The following GRIK2 variants were observed in gnomAD, a reference collection of about 807,000 sequenced individuals.
GRIK2 encodes the protein glutamate receptor ionotropic, kainate 2.
In GRIK2, 32 loss-of-function variants were observed where a neutral mutation model predicts 100.3. That is an observed-to-expected ratio of 0.32 (90% CI 0.24 to 0.43). The LOEUF (loss-of-function observed/expected upper bound fraction) is 0.43. Among genes scored for constraint, GRIK2 ranks in the 20% least tolerant of loss-of-function variants. The pLI, the probability that GRIK2 is intolerant of heterozygous loss-of-function variation, is 1.00. For synonymous variants in GRIK2, 417 were observed against 389.4 expected, an observed-to-expected ratio of 1.07 and a Z score of -0.83; for missense variants, 843 against 1,114.9, an observed-to-expected ratio of 0.76 and a Z score of 3.47.
chr6:101,567,534 C>G (rs1777332775), intron 2 of GRIK2, among the ~76,000 whole-genome samples: 1 of 151,924 alleles, frequency 6.6e-6, no homozygotes, highest in Non-Finnish European at 1.5e-5. Flanking sequence ...TCTTTATCAA[C>G]TTCACATTCT....
intron 9 of GRIK2, among the ~76,000 whole-genome samples, chr6:101,807,660 T>C (rs1157412747): frequency 6.6e-6 from 1 of 151,830 alleles, no homozygotes; most frequent in Non-Finnish European, 1.5e-5. Flanking sequence ...GGCACCTAGA[T>C]AATGGGTTTT....
At chr6:101,424,172 A>AT (rs11288709) in intron 2 of GRIK2, among the ~76,000 whole-genome samples, 15 of 150,970 alleles carry the variant, frequency 9.9e-5, no homozygotes, top group Admixed American at 2.0e-4. Flanking sequence ...AATTTTTTTT[A>AT]TTTTTTTTTA....
At chr6:101,776,411 G>A (rs9485542) in intron 7 of GRIK2, among the ~76,000 whole-genome samples, 31,568 of 152,024 alleles carry the variant, frequency 0.21, 5,129 homozygotes, top group East Asian at 0.65. Context: ...ATTATGCAGA[G>A]AAGACAGACA....
chr6:101,711,060 C>CATTAAG lies in GRIK2; in HGVS notation c.951+24711_951+24716dup, dbSNP rs545839817. Among the ~76,000 whole-genome samples, 208 of 151,822 alleles carry CATTAAG rather than the reference C, an allele frequency of 1.4e-3. 1 individual carries two copies. The highest frequency in any genetic ancestry group is 4.9e-3 in the African/African-American group (203 of 41,486). The stretch of plus-strand genomic sequence containing the variant: ...GCCACTTCTCCCTTGATGAGTGTCG[C>CATTAAG]ATTAAGATTCCATGGAAGTTCACAA... On this transcript the variant is annotated intron_variant, in intron 7 of 16. Coordinates refer to ENST00000369134, the MANE Select transcript of GRIK2 (RefSeq NM_021956.5).
At chr6:101,774,030 ATC>A (rs530286510) in intron 7 of GRIK2, among the ~76,000 whole-genome samples, 3 of 152,276 alleles carry the variant, frequency 2.0e-5, no homozygotes, top group East Asian at 1.9e-4. Context: ...TTTTCAGAAT[ATC>A]TCTCTAACTT....
At position 102,019,178 on chromosome 6, in the gene GRIK2, G is replaced by A. The variant is rs139718225; in HGVS notation, c.2086-16163G>A. On this transcript the variant is annotated intron_variant, in intron 14 of 16. Coordinates refer to ENST00000369134, the MANE Select transcript of GRIK2 (RefSeq NM_021956.5). ...GCATCAGCTGAAATTTAAGGCTAGA[G>A]TCAGTCAAACTGCCATCTCAAAACT... Among the ~76,000 whole-genome samples the A allele has an allele frequency of 7.9e-5, 12 of 152,082 alleles. No individual in the cohort carries two copies. In the East Asian group the frequency reaches 2.1e-3, roughly 27 times the overall value.
chr6:101,395,481 GC>G (rs1774965708), intron 1 of GRIK2, among the ~76,000 whole-genome samples: 1 of 152,120 alleles, frequency 6.6e-6, no homozygotes, highest in African/African-American at 2.4e-5. Context: ...AAAGGTATAG[GC>G]ATTGTCTTTT....
intron 2 of GRIK2, among the ~76,000 whole-genome samples, chr6:101,513,956 A>T (rs1582618867): frequency 6.6e-6 from 1 of 152,258 alleles, no homozygotes; most frequent in South Asian, 2.1e-4. Flanking sequence ...AGATCAACAA[A>T]TCAAAAAATT....
chr6:101,944,821 T>A (rs1037217967), intron 14 of GRIK2, among the ~76,000 whole-genome samples: 8 of 152,080 alleles, frequency 5.3e-5, no homozygotes, highest in African/African-American at 1.7e-4. Flanking sequence ...GTCAGCAGTA[T>A]TATAGCAAAC....
intron 7 of GRIK2, among the ~76,000 whole-genome samples, chr6:101,697,174 T>A (rs1772548216): frequency 6.6e-6 from 1 of 152,034 alleles, no homozygotes; most frequent in Admixed American, 6.6e-5. Flanking sequence ...AAAACCTACC[T>A]GGCTTTTTAT....
chr6:101,476,621 G>A (rs979437055), intron 2 of GRIK2, among the ~76,000 whole-genome samples: 8 of 152,080 alleles, frequency 5.3e-5, no homozygotes, highest in African/African-American at 1.2e-4. Context: ...AGCTTGGCAC[G>A]TAGAAAGATT....
intron 10 of GRIK2, among the ~76,000 whole-genome samples, chr6:101,857,869 T>A (rs1379846786): frequency 1.3e-5 from 2 of 152,172 alleles, no homozygotes; most frequent in African/African-American, 4.8e-5. Context: ...TTTATTCAGA[T>A]CTTGTTCAAC....
intron 11 of GRIK2, among the ~76,000 whole-genome samples, chr6:101,877,440 A>T (rs540279113): frequency 6.6e-6 from 1 of 152,080 alleles, no homozygotes; most frequent in East Asian, 1.9e-4. Context: ...GATGATTTAA[A>T]GTATACAGGA....
At chr6:101,703,833 TA>T (rs562457660) in intron 7 of GRIK2, among the ~76,000 whole-genome samples, 3,621 of 142,026 alleles carry the variant, frequency 0.025, 125 homozygotes, top group African/African-American at 0.085. Flanking sequence ...TATTGCATTA[TA>T]AAAAAAAAAA....
chr6:101,740,829 A>C (rs1423616000), intron 7 of GRIK2, among the ~76,000 whole-genome samples: 1 of 152,160 alleles, frequency 6.6e-6, no homozygotes, highest in African/African-American at 2.4e-5. Context: ...CCTGTTAACT[A>C]ATAGAGCAAG....
At chr6:102,050,355 G>A (rs1383949015) in intron 15 of GRIK2, among the ~76,000 whole-genome samples, 1 of 151,512 alleles carries the variant, frequency 6.6e-6, no homozygotes, top group Non-Finnish European at 1.5e-5. Context: ...AAGGGGAAGG[G>A]AACAAAAGAA....
chr6:101,802,991 A>T (rs1156431011), intron 9 of GRIK2, among the ~76,000 whole-genome samples: 1 of 151,860 alleles, frequency 6.6e-6, no homozygotes, highest in African/African-American at 2.4e-5. Flanking sequence ...GAATGTGGGT[A>T]TGTGCCTACT....
chr6:101,958,399 T>C (rs1052104241), intron 14 of GRIK2, among the ~76,000 whole-genome samples: 3 of 151,958 alleles, frequency 2.0e-5, no homozygotes, highest in African/African-American at 7.2e-5. Context: ...TTTTCTGAAG[T>C]TGTTTAACAA....
At chr6:101,884,511 G>T (rs1419945377) in intron 11 of GRIK2, among the ~76,000 whole-genome samples, 4 of 152,200 alleles carry the variant, frequency 2.6e-5, no homozygotes, top group African/African-American at 9.6e-5. Context: ...GAGTCATTGT[G>T]CCATTCATGA....
Sources: gnomAD v4.1 joint callset for allele counts (sites outside exome capture counted in the v4.1 genomes callset) on GRCh38, gnomAD v4.1.1 for gene constraint, MANE v1.5 for transcripts, NCBI Gene and HGNC (gene_info 2026-07-23, HGNC 2026-07-21) for gene names.